The following NR1H3 variants were observed in gnomAD, a reference collection of about 807,000 sequenced individuals.
NR1H3 encodes the protein oxysterols receptor LXR-alpha.
In NR1H3, 19 loss-of-function variants were observed where a neutral mutation model predicts 48.1. That is an observed-to-expected ratio of 0.40 (90% CI 0.28 to 0.58). The LOEUF is 0.58. Ranked by LOEUF, NR1H3 falls within the 20% of genes least tolerant of loss-of-function variation. The pLI, the probability that NR1H3 is intolerant of heterozygous loss-of-function variation, is 0.50. For missense variants in NR1H3, 486 were observed against 595.9 expected (o/e 0.82, Z 1.92); for synonymous variants, 232 against 227.3 (o/e 1.02, Z -0.19).
upstream of NR1H3, among the ~76,000 whole-genome samples, chr11:47,255,615 C>CTCTCTCTCTTTCTT (rs1554981334): frequency 8.6e-5 from 8 of 93,204 alleles, no homozygotes; most frequent in African/African-American, 3.8e-4. Flanking sequence ...CTCTCTCTCT[C>CTCTCTCTCTTTCTT]TCTTTCTTTC....
In NR1H3 at chr11:47,267,972, C is replaced by G; in HGVS notation, c.1048C>G (p.Gln350Glu). 6.2e-7 allele frequency: 1 copy of G among 1,614,082 alleles called. No homozygotes were observed. The highest frequency in any genetic ancestry group is 8.5e-7 in the Non-Finnish European group (1 of 1,180,018). Reference protein sequence around the residue: ...FEFSRAMNELQLNDAEFALLI... With the variant: ...FEFSRAMNELELNDAEFALLI... ...GTTCTCCAGGGCCATGAATGAGCTG[C>G]AACTCAATGATGCCGAGTTTGCCTT... The change falls in exon 8 of 10, where the codon CAA becomes GAA. Residue 350 changes from glutamine to glutamate, a missense_variant. By Grantham distance (29) the Gln-to-Glu change is conservative. Transcript: ENST00000441012.
At chr11:47,265,244 G>T (rs1420186345) in intron 7 of NR1H3, among the ~76,000 whole-genome samples, 2 of 152,044 alleles carry the variant, frequency 1.3e-5, no homozygotes, top group African/African-American at 2.4e-5. Context: ...AGTGAGCTGA[G>T]ATCGCGCCAC....
At chr11:47,249,818 G>A (rs1326435077) in intron 1 of NR1H3, among the ~76,000 whole-genome samples, 1 of 152,120 alleles carries the variant, frequency 6.6e-6, no homozygotes, top group African/African-American at 2.4e-5. Context: ...CTTGGCCTGG[G>A]CGCCGTGGCT....
chr11:47,268,906 T>G lies in NR1H3; in HGVS notation c.*210T>G, dbSNP rs1416752117. 5 of 603,562 alleles carry G rather than the reference T, an allele frequency of 8.3e-6. No individual in the cohort carries two copies. The highest frequency in any genetic ancestry group is 1.4e-5 in the Non-Finnish European group (5 of 352,920). The allele number at this position is 603,562 out of a possible 1,614,324, so 37.4% of individuals were successfully genotyped here. A position where few individuals can be genotyped will look rare whatever the true frequency, so the allele number is the denominator to read the frequency against. ...GCTAACACTGTGCTGTGTCTGAAGATCATGCTGACCCCACAAACGGATGGG... is the reference window on the plus strand; with the variant it reads ...GCTAACACTGTGCTGTGTCTGAAGAGCATGCTGACCCCACAAACGGATGGG... On this transcript the variant is annotated 3_prime_UTR_variant, in exon 10 of 10. Coordinates refer to ENST00000441012, the MANE Select transcript of NR1H3 (RefSeq NM_005693.4).
intron 7 of NR1H3, among the ~76,000 whole-genome samples, chr11:47,262,940 A>G (rs1366993380): frequency 1.3e-5 from 2 of 152,180 alleles, no homozygotes; most frequent in Non-Finnish European, 2.9e-5. Context: ...GGCTTCTCTC[A>G]GCTGCTCCAG....
At chr11:47,255,521 G>A (rs1954993291), upstream of NR1H3, among the ~76,000 whole-genome samples, 1 of 150,644 alleles carries the variant, frequency 6.6e-6, no homozygotes, top group South Asian at 2.1e-4. Context: ...CGTTGTGATA[G>A]ACTCTCTTTC....
rs369549420 is a variant in NR1H3 at position 47,263,591 on chromosome 11, CT to C, written c.988+1582del. Among the ~76,000 whole-genome samples the C allele has an allele frequency of 2.9e-3, 424 of 147,474 alleles. 6 individuals carry two copies. Among genetic ancestry groups the C allele is most frequent in the African/African-American group, 9.9e-3 (398 of 40,174 alleles). Reference sequence around the variant, plus strand: ...ACACACAGCCTCCCCTACTCTTTTTCTTTTTTTTTCTTTTCTTTTTTTTTTT... The same window carrying C: ...ACACACAGCCTCCCCTACTCTTTTTCTTTTTTTTCTTTTCTTTTTTTTTTT... On this transcript the variant is annotated intron_variant, in intron 7 of 9. Transcript: ENST00000441012.
rs751567921 is a variant in NR1H3 at position 47,261,718 on chromosome 11, G to A, written c.880G>A (p.Ala294Thr). Residue 294 changes from alanine (A) to threonine (T), a missense_variant, in exon 6 of 10, where the codon GCG (alanine) becomes ACG (threonine). By Grantham distance (58) the Ala-to-Thr change is moderately conservative (BLOSUM62 0). Transcript: ENST00000441012. ...EDQIALLKTS[A>T]IEVMLLETSR... ...CCAGATTGCCCTGCTGAAGACCTCT[G>A]CGATCGAGGTGGCTGGAGAAGGGCA... 3.6e-5 allele frequency: 58 copies of A among 1,613,932 alleles called. No individual in the cohort carries two copies. The highest frequency in any genetic ancestry group is 4.7e-5 in the Non-Finnish European group (56 of 1,180,048).
At chr11:47,266,534 G>A (rs1004755454) in intron 7 of NR1H3, among the ~76,000 whole-genome samples, 4 of 151,898 alleles carry the variant, frequency 2.6e-5, no homozygotes, top group Non-Finnish European at 4.4e-5. Context: ...GGGTTTCACT[G>A]TGTTGCCCAG....
At chr11:47,259,642 C>A (rs1051465094) in intron 2 of NR1H3, 149 bp from the exon 3 acceptor site, 165 of 1,484,938 alleles carry the variant, frequency 1.1e-4, no homozygotes, top group Non-Finnish European at 1.4e-4. Context: ...TAGCTAGAGC[C>A]CACACAGACT....
chr11:47,248,306 A>G, upstream of NR1H3: 10 of 1,040,324 alleles, frequency 9.6e-6, 1 homozygote, highest in South Asian at 1.6e-4. Context: ...CAGAGATTCT[A>G]ACTTAGCTAA....
At chr11:47,249,518 T>A (rs1353934597) in intron 1 of NR1H3, among the ~76,000 whole-genome samples, 1 of 152,184 alleles carries the variant, frequency 6.6e-6, no homozygotes, top group African/African-American at 2.4e-5. Flanking sequence ...GTTCAGACTT[T>A]ACAAACCCAA....
chr11:47,268,886 C>T lies in NR1H3; in HGVS notation c.*190C>T. ...TACTGAGCAGTGGAGCCCTCGCTAA[C>T]ACTGTGCTGTGTCTGAAGATCATGC... is the stretch of plus-strand genomic sequence containing the variant. On this transcript the variant is annotated 3_prime_UTR_variant, in exon 10 of 10. Transcript: ENST00000441012. 1.5e-6 allele frequency: 1 copy of T among 657,916 alleles called. No individual in the cohort carries two copies. Among genetic ancestry groups the T allele is most frequent in the Non-Finnish European group, 2.5e-6 (1 of 393,468 alleles). 40.8% of individuals were successfully genotyped at this position (657,916 alleles called of 1,614,324 possible).
At chr11:47,266,910 G>C (rs1444599857) in intron 7 of NR1H3, among the ~76,000 whole-genome samples, 3 of 151,958 alleles carry the variant, frequency 2.0e-5, no homozygotes, top group Non-Finnish European at 4.4e-5. Flanking sequence ...CAAAATACTG[G>C]GATTACAGGC....
intron 7 of NR1H3, among the ~76,000 whole-genome samples, chr11:47,263,306 G>A (rs183993504): frequency 3.4e-4 from 50 of 144,966 alleles, no homozygotes; most frequent in Admixed American, 2.4e-3. Context: ...GCTCTGTCAC[G>A]CAGGCTGAAG....
intron 1 of NR1H3, among the ~76,000 whole-genome samples, chr11:47,251,557 A>G (rs1389065162): frequency 2.0e-4 from 30 of 152,156 alleles, no homozygotes; most frequent in Admixed American, 2.0e-3. Context: ...GGCTGCCGTG[A>G]GCCGAGATTG....
upstream of NR1H3, chr11:47,257,622 C>CT (rs1955311186): frequency 1.0e-6 from 1 of 984,492 alleles, no homozygotes. Flanking sequence ...GTGCTGGGAC[C>CT]TTTGCTCCAC....
intron 5 of NR1H3, 37 bp downstream of exon 5, chr11:47,261,486 G>T: frequency 1.2e-6 from 2 of 1,610,924 alleles, no homozygotes. Context: ...GCTGCGCCCA[G>T]ATCACCAGTG....
chr11:47,256,166 G>A (rs533337155), upstream of NR1H3, among the ~76,000 whole-genome samples: 4 of 151,404 alleles, frequency 2.6e-5, 1 homozygote, highest in East Asian at 7.8e-4. Context: ...TCAGCCTCCC[G>A]AGTAGCTGGG....
Sources: gnomAD v4.1 joint callset for allele counts (sites outside exome capture counted in the v4.1 genomes callset) on GRCh38, gnomAD v4.1.1 for gene constraint, MANE v1.5 for transcripts, NCBI Gene and HGNC (gene_info 2026-07-23, HGNC 2026-07-21) for gene names.